Variants in CNTNAP2 observed in about 807,000 individuals in gnomAD.
CNTNAP2 encodes contactin-associated protein-like 2.
In CNTNAP2, 98 loss-of-function variants were observed where a neutral mutation model predicts 155.2. The ratio of observed to expected loss-of-function variants is 0.63; its 90% confidence interval spans 0.54 to 0.75. CNTNAP2 has a LOEUF of 0.75. Ranked by LOEUF, CNTNAP2 falls within the 30% of genes least tolerant of loss-of-function variation. CNTNAP2 has a pLI of 0.00. For missense variants in CNTNAP2, 1,727 were observed against 1,688.1 expected (o/e 1.02, Z -0.40); for synonymous variants, 651 against 631.2 (o/e 1.03, Z -0.47).
intron 13 of CNTNAP2, among the ~76,000 whole-genome samples, chr7:147,690,807 T>G (rs1234137488): frequency 3.3e-5 from 5 of 152,172 alleles, no homozygotes; most frequent in African/African-American, 1.2e-4. Flanking sequence ...TTGAGTTGTA[T>G]TGACCTTAAA....
At chr7:148,228,372 T>C (rs966730392) in intron 19 of CNTNAP2, among the ~76,000 whole-genome samples, 5 of 152,166 alleles carry the variant, frequency 3.3e-5, no homozygotes, top group Non-Finnish European at 5.9e-5. Context: ...AAAAAAAGAA[T>C]ATACTGTTGA....
chr7:147,859,879 TTATC>T, intron 13 of CNTNAP2, among the ~76,000 whole-genome samples: 1 of 152,352 alleles, frequency 6.6e-6, no homozygotes, highest in Admixed American at 6.5e-5. Flanking sequence ...TAGGTCTTAC[TTATC>T]TGTCTCTCAT....
At chr7:146,355,809 G>T (rs1356052675) in intron 1 of CNTNAP2, among the ~76,000 whole-genome samples, 1 of 152,096 alleles carries the variant, frequency 6.6e-6, no homozygotes, top group Non-Finnish European at 1.5e-5. Flanking sequence ...CTAAAAGAGA[G>T]AAATGTCTAT....
chr7:146,552,299 C>T (rs1798134324), intron 1 of CNTNAP2, among the ~76,000 whole-genome samples: 1 of 152,096 alleles, frequency 6.6e-6, no homozygotes, highest in Admixed American at 6.6e-5. Flanking sequence ...GCAACAGTTC[C>T]TTCCTCAGTT....
intron 13 of CNTNAP2, among the ~76,000 whole-genome samples, chr7:147,768,738 T>G (rs1263794892): frequency 6.6e-6 from 1 of 152,096 alleles, no homozygotes; most frequent in East Asian, 1.9e-4. Context: ...TAATGATACC[T>G]TTTGAAGGTG....
At chr7:147,734,720 C>G (rs1355797628) in intron 13 of CNTNAP2, among the ~76,000 whole-genome samples, 1 of 152,164 alleles carries the variant, frequency 6.6e-6, no homozygotes. Context: ...TTCAGAGATT[C>G]AACTTCTTCC....
chr7:147,193,339 C>T (rs976020052), intron 8 of CNTNAP2, among the ~76,000 whole-genome samples: 2 of 152,166 alleles, frequency 1.3e-5, no homozygotes, highest in Non-Finnish European at 2.9e-5. Context: ...GCCTGTCGAA[C>T]AGGCTGCTAA....
intron 12 of CNTNAP2, among the ~76,000 whole-genome samples, chr7:147,626,169 C>A (rs1378896179): frequency 6.6e-6 from 1 of 151,928 alleles, no homozygotes; most frequent in Non-Finnish European, 1.5e-5. Flanking sequence ...CAGGTGAAGT[C>A]CAGGAGACAA....
At chr7:147,840,914 C>T (rs562249783) in intron 13 of CNTNAP2, among the ~76,000 whole-genome samples, 6 of 152,110 alleles carry the variant, frequency 3.9e-5, no homozygotes, top group East Asian at 1.9e-4. Flanking sequence ...AAATCAAACC[C>T]TTGAACTCAG....
At chr7:147,999,703 T>TGACC (rs1801864635) in intron 15 of CNTNAP2, among the ~76,000 whole-genome samples, 1 of 152,134 alleles carries the variant, frequency 6.6e-6, no homozygotes, top group Admixed American at 6.5e-5. Flanking sequence ...TAACCCTATA[T>TGACC]GACCGGTGCC....
At chr7:146,665,788 A>AAAAAAAAAAAAAAACAAAAAAAAAAC (rs1328734569) in intron 1 of CNTNAP2, among the ~76,000 whole-genome samples, 1 of 142,038 alleles carries the variant, frequency 7.0e-6, no homozygotes, top group Non-Finnish European at 1.5e-5. Flanking sequence ...CTCATTAAAA[A>AAAAAAAAAAAAAAACAAAAAAAAAAC]AAAAAAAAAA....
intron 1 of CNTNAP2, among the ~76,000 whole-genome samples, chr7:146,616,420 G>T (rs1018712799): frequency 6.6e-6 from 1 of 152,150 alleles, no homozygotes; most frequent in African/African-American, 2.4e-5. Context: ...AGTGAAATTT[G>T]CAGTGAGGAT....
intron 16 of CNTNAP2, among the ~76,000 whole-genome samples, chr7:148,139,316 A>T (rs2116640804): frequency 6.6e-6 from 1 of 152,288 alleles, no homozygotes; most frequent in East Asian, 1.9e-4. Context: ...AGAAACTAAA[A>T]CTATACTAAA....
chr7:146,905,784 C>T (rs915404386), intron 3 of CNTNAP2, among the ~76,000 whole-genome samples: 6 of 152,100 alleles, frequency 3.9e-5, no homozygotes, highest in Non-Finnish European at 5.9e-5. Flanking sequence ...ATTTGGTTTA[C>T]GAAGGAGGAG....
intron 1 of CNTNAP2, among the ~76,000 whole-genome samples, chr7:146,546,731 A>G (rs1055016650): frequency 6.6e-6 from 1 of 151,864 alleles, no homozygotes; most frequent in South Asian, 2.1e-4. Flanking sequence ...GTGAAGGAGG[A>G]GCAAAAGCAC....
chr7:146,820,229 T>G (rs1237517242), intron 2 of CNTNAP2, among the ~76,000 whole-genome samples: 2 of 152,124 alleles, frequency 1.3e-5, no homozygotes, highest in Non-Finnish European at 2.9e-5. Context: ...CAGGTGTTCA[T>G]TTATAGCTTC....
At chr7:146,922,139 A>G (rs1236568873) in intron 3 of CNTNAP2, among the ~76,000 whole-genome samples, 1 of 151,928 alleles carries the variant, frequency 6.6e-6, no homozygotes, top group East Asian at 1.9e-4. Context: ...AATCATACAC[A>G]TATATATATA....
chr7:147,098,453 GTTT>G (rs1563076154), intron 4 of CNTNAP2, among the ~76,000 whole-genome samples: 2 of 152,006 alleles, frequency 1.3e-5, no homozygotes. Flanking sequence ...TTTTTTGTTT[GTTT>G]TTTAACTCAC....
chr7:146,436,986 C>T (rs1219392479), intron 1 of CNTNAP2, among the ~76,000 whole-genome samples: 1 of 151,384 alleles, frequency 6.6e-6, no homozygotes, highest in Non-Finnish European at 1.5e-5. Flanking sequence ...CCCCAACTGC[C>T]GGGCCACAGA....
Sources: gnomAD v4.1 joint callset for allele counts (sites outside exome capture counted in the v4.1 genomes callset) on GRCh38, gnomAD v4.1.1 for gene constraint, MANE v1.5 for transcripts, NCBI Gene and HGNC (gene_info 2026-07-23, HGNC 2026-07-21) for gene names.